Variants in NPLOC4 observed in about 807,000 individuals in gnomAD.
NPLOC4 encodes NPL4 homolog, ubiquitin recognition factor.
Under a neutral mutation model 80.6 loss-of-function variants are expected in NPLOC4, and 18 were observed. The ratio of observed to expected loss-of-function variants is 0.22; its 90% confidence interval spans 0.15 to 0.33. The LOEUF is 0.33. Among genes scored for constraint, NPLOC4 ranks in the 10% least tolerant of loss-of-function variants. The pLI is 1.00. For synonymous variants in NPLOC4, 313 were observed against 301.5 expected (o/e 1.04, Z -0.39); for missense variants, 540 against 786.1 (o/e 0.69, Z 3.74).
intron 8 of NPLOC4, among the ~76,000 whole-genome samples, chr17:81,603,830 A>G (rs1285081841): frequency 1.3e-5 from 2 of 152,196 alleles, no homozygotes; most frequent in African/African-American, 4.8e-5. Flanking sequence ...CTAGCATTCA[A>G]TATTTGCTTA....
chr17:81,633,169 T>C (rs2092968964), intron 1 of NPLOC4, among the ~76,000 whole-genome samples: 1 of 151,836 alleles, frequency 6.6e-6, no homozygotes, highest in Non-Finnish European at 1.5e-5. Context: ...TTCTTTATAC[T>C]TCTAACGTCT....
chr17:81,592,923 C>T (rs1170100313), intron 11 of NPLOC4, among the ~76,000 whole-genome samples: 1 of 152,124 alleles, frequency 6.6e-6, no homozygotes, highest in Non-Finnish European at 1.5e-5. Context: ...GCAGAAGTTG[C>T]AGTGAGCCAA....
chr17:81,637,022 G>A lies in NPLOC4; in HGVS notation c.-92C>T. 2.4e-6 allele frequency: 2 copies of A among 840,884 alleles called. No individual in the cohort carries two copies. Among genetic ancestry groups the A allele is most frequent in the Non-Finnish European group, 3.1e-6 (2 of 644,838 alleles). 52.1% of individuals were successfully genotyped at this position (840,884 alleles called of 1,614,324 possible). ...AGACCCGGCCGCGGCCTCAGCCCCG[G>A]CCCCGGCCTCCCTACGCCGCCGCCA... On this transcript the variant is annotated 5_prime_UTR_variant, in exon 1 of 17. Transcript: ENST00000331134.
chr17:81,629,679 AGAG>A, intron 2 of NPLOC4, 43 bp downstream of exon 2: 1 of 1,341,058 alleles, frequency 7.5e-7, no homozygotes, highest in Non-Finnish European at 1.1e-6. Flanking sequence ...CAGTAAGAGT[AGAG>A]GATGAAAAAT....
At chr17:81,628,965 G>A (rs562902357) in intron 2 of NPLOC4, among the ~76,000 whole-genome samples, 12 of 149,856 alleles carry the variant, frequency 8.0e-5, no homozygotes, top group East Asian at 6.0e-4. Context: ...TGCAAGCTCC[G>A]CCTCCTGGGT....
At chr17:81,631,704 A>C (rs564625900) in intron 1 of NPLOC4, among the ~76,000 whole-genome samples, 2 of 152,104 alleles carry the variant, frequency 1.3e-5, no homozygotes, top group African/African-American at 4.8e-5. Context: ...GAACATGCGC[A>C]TAAGTGTCCT....
chr17:81,604,740 C>T lies in NPLOC4; in HGVS notation c.655-13G>A, dbSNP rs1410011911. The T allele has an allele frequency of 2.5e-6, 4 of 1,599,594 alleles. No individual in the cohort carries two copies. The Admixed American group carries it at 7.1e-5, about 28-fold the overall frequency. ...CATGCCTGTACTTCTGTAGAGTTAA[C>T]AAGAGTGGGCTGATGAAAACATGCC... On this transcript the variant is annotated splice_polypyrimidine_tract_variant and intron_variant, in intron 7 of 16. Coordinates refer to ENST00000331134, the MANE Select transcript of NPLOC4 (RefSeq NM_017921.4).
At chr17:81,573,114 T>C (rs941023166) in intron 12 of NPLOC4, among the ~76,000 whole-genome samples, 1 of 152,192 alleles carries the variant, frequency 6.6e-6, no homozygotes, top group Admixed American at 6.5e-5. Flanking sequence ...AACCAAAGCT[T>C]TTCATTAAAG....
rs540451452 is a variant in NPLOC4 at position 81,585,259 on chromosome 17, T to C, written c.1281+3685A>G. On this transcript the variant is annotated intron_variant, in intron 12 of 16. Transcript: ENST00000331134. ...TGGAATAGAACAGAGTCCAGTAACA[T>C]CCATGATTCCTGGAGATGACCGACG... Among the ~76,000 whole-genome samples, 289 of 143,778 alleles carry C rather than the reference T, an allele frequency of 2.0e-3. 3 individuals carry two copies. The highest frequency in any genetic ancestry group is 7.1e-3 in the African/African-American group (281 of 39,486). 94.3% of individuals were successfully genotyped at this position (143,778 alleles called of 152,430 possible). A position where few individuals can be genotyped will look rare whatever the true frequency, so the allele number is the denominator to read the frequency against.
intron 16 of NPLOC4, among the ~76,000 whole-genome samples, chr17:81,559,957 ACT>A (rs2033798766): frequency 6.7e-6 from 1 of 149,068 alleles, no homozygotes; most frequent in South Asian, 2.1e-4. Flanking sequence ...CTGGTCTCGA[ACT>A]CCTGACCTCA....
intron 5 of NPLOC4, chr17:81,609,066 GCAGTGGCA>G (rs1454375557): frequency 3.5e-5 from 14 of 401,968 alleles, no homozygotes; most frequent in Non-Finnish European, 5.0e-5. Context: ...AGGCTGGAGT[GCAGTGGCA>G]CAGTGGCACA....
At chr17:81,630,140 T>C (rs2035891707) in intron 1 of NPLOC4, among the ~76,000 whole-genome samples, 1 of 145,778 alleles carries the variant, frequency 6.9e-6, no homozygotes, top group Non-Finnish European at 1.5e-5. Context: ...CCATGAACCA[T>C]GAATGAACTG....
intron 12 of NPLOC4, among the ~76,000 whole-genome samples, chr17:81,582,605 GT>G (rs1473438136): frequency 6.6e-6 from 1 of 152,174 alleles, no homozygotes; most frequent in Non-Finnish European, 1.5e-5. Context: ...GTCTTGCTAT[GT>G]CACACAGACT....
intron 2 of NPLOC4, among the ~76,000 whole-genome samples, chr17:81,626,148 CAAA>C (rs1159898008): frequency 2.3e-5 from 2 of 88,446 alleles, no homozygotes; most frequent in Admixed American, 1.3e-4. Context: ...GACTTCATCT[CAAA>C]AAAAAAAAAA....
intron 16 of NPLOC4, chr17:81,561,770 T>C (rs2033857562): frequency 6.6e-6 from 1 of 152,080 alleles, no homozygotes; most frequent in South Asian, 2.1e-4. Flanking sequence ...TTTTTTAATA[T>C]TGTTTTTTTG....
Position 81,591,445 on chromosome 17 carries a change from C to CAAAA in NPLOC4, c.1121-2342_1121-2341insTTTT, listed in dbSNP as rs2034736663. ...GCAAGACTCCATCTCTGGAGTAAAA[C>CAAAA]AGAAAAAAAAAAAAAAAAAAAAAAA... is the stretch of plus-strand genomic sequence containing the variant. On this transcript the variant is annotated intron_variant, in intron 11 of 16. Coordinates refer to ENST00000331134, the MANE Select transcript of NPLOC4 (RefSeq NM_017921.4). 2.9e-3 allele frequency among the ~76,000 whole-genome samples: 31 copies of CAAAA among 10,692 alleles called. 1 individual carries two copies. The South Asian group carries it at 0.049, about 17-fold the overall frequency. 7.0% of individuals were successfully genotyped at this position (10,692 alleles called of 152,430 possible).
chr17:81,618,314 G>T (rs1404366461), intron 3 of NPLOC4, among the ~76,000 whole-genome samples: 1 of 146,184 alleles, frequency 6.8e-6, no homozygotes, highest in Non-Finnish European at 1.5e-5. Flanking sequence ...CCGCCGCCCC[G>T]TCTGGGATGT....
chr17:81,588,318 G>A (rs1170663461), intron 12 of NPLOC4: 2 of 152,222 alleles, frequency 1.3e-5, no homozygotes, highest in East Asian at 1.9e-4. Flanking sequence ...GCAATTGGCA[G>A]GATTCTAAAA....
At position 81,577,799 on chromosome 17, in the gene NPLOC4, C is replaced by T. The variant is rs994212808; in HGVS notation, c.1282-5711G>A. Among the ~76,000 whole-genome samples, 4 of 152,174 alleles carry T rather than the reference C, an allele frequency of 2.6e-5. No individual in the cohort carries two copies. The highest frequency in any genetic ancestry group is 4.4e-5 in the Non-Finnish European group (3 of 68,034). On this transcript the variant is annotated intron_variant, in intron 12 of 16. Transcript: ENST00000331134. This position sits in a 1 kb window ranked among gnomAD's most constrained non-coding sequence, Gnocchi z 4.3. ...TGGCTTGAGCCTGTGCTCCTCTCTGCACACCTGCCAGGCCTCCAAACCTCT... is the reference window on the plus strand; with the variant it reads ...TGGCTTGAGCCTGTGCTCCTCTCTGTACACCTGCCAGGCCTCCAAACCTCT...
Sources: allele counts gnomAD v4.1 joint callset (sites outside exome capture counted in the v4.1 genomes callset), GRCh38; gene constraint gnomAD v4.1.1; non-coding constraint Gnocchi (gnomAD v3.1); transcripts MANE v1.5; gene names NCBI Gene and HGNC (gene_info 2026-07-23, HGNC 2026-07-21).